Variants in CNTN5 observed in about 807,000 individuals in gnomAD.
CNTN5 encodes the protein contactin 5, also known as contactin-5.
In CNTN5, 77 loss-of-function variants were observed where a neutral mutation model predicts 129.1. The ratio of observed to expected loss-of-function variants is 0.60; its 90% CI spans 0.50 to 0.72. The LOEUF is 0.72. Among genes scored for constraint, CNTN5 ranks in the 30% least tolerant of loss-of-function variants. The pLI is 0.00. For missense variants in CNTN5, 1,478 were observed against 1,328.8 expected (o/e 1.11, Z -1.75); for synonymous variants, 509 against 465.6 (o/e 1.09, Z -1.20).
chr11:99,939,839 T>C (rs973839844), intron 7 of CNTN5, among the ~76,000 whole-genome samples: 5 of 152,266 alleles, frequency 3.3e-5, no homozygotes, highest in African/African-American at 1.2e-4. Context: ...TATGTTTGTG[T>C]TATGGAAGTA....
At chr11:99,963,431 CT>C (rs1951006182) in intron 8 of CNTN5, among the ~76,000 whole-genome samples, 1 of 152,022 alleles carries the variant, frequency 6.6e-6, no homozygotes, top group Non-Finnish European at 1.5e-5. Flanking sequence ...TTCCCCATTT[CT>C]TTTTTTGTCA....
At chr11:100,231,926 G>A (rs764129951) in intron 16 of CNTN5, among the ~76,000 whole-genome samples, 3 of 152,102 alleles carry the variant, frequency 2.0e-5, no homozygotes, top group Non-Finnish European at 4.4e-5. Flanking sequence ...AGGCAAGGTG[G>A]GCAGATCACT....
In CNTN5 at chr11:99,785,939, C is replaced by T. The variant is rs551637212; in HGVS notation, c.56-33605C>T. On this transcript the variant is annotated intron_variant, in intron 3 of 24. Transcript: ENST00000524871. ...AGCTGGAGGCATTCCCTTTGAAAGC[C>T]GGCACAAGACAAGGATGCTGTCTCT... Among the ~76,000 whole-genome samples the T allele has an allele frequency of 1.4e-4, 22 of 151,982 alleles. 1 individual carries two copies. The South Asian group carries it at 2.9e-3, about 20-fold the overall frequency.
intron 17 of CNTN5, among the ~76,000 whole-genome samples, chr11:100,258,891 C>G (rs1950136033): frequency 6.6e-6 from 1 of 152,084 alleles, no homozygotes; most frequent in South Asian, 2.1e-4. Context: ...CATCAACTGA[C>G]AGGCAAAATA....
At chr11:99,464,754 C>T (rs1050374378) in intron 2 of CNTN5, among the ~76,000 whole-genome samples, 5 of 151,984 alleles carry the variant, frequency 3.3e-5, no homozygotes, top group African/African-American at 1.2e-4. Context: ...CAGTGTTTTT[C>T]CCCCAAACAA....
chr11:99,114,311 C>T (rs1857937099), intron 1 of CNTN5, among the ~76,000 whole-genome samples: 1 of 152,062 alleles, frequency 6.6e-6, no homozygotes, highest in African/African-American at 2.4e-5. Context: ...GATGTAGTGT[C>T]ATAATAGTGG....
At chr11:99,209,989 G>T (rs914931549) in intron 1 of CNTN5, among the ~76,000 whole-genome samples, 1 of 152,098 alleles carries the variant, frequency 6.6e-6, no homozygotes, top group African/African-American at 2.4e-5. Flanking sequence ...ACCTATCAAA[G>T]TTCCATCTGT....
At chr11:99,108,736 A>G (rs1857639206) in intron 1 of CNTN5, among the ~76,000 whole-genome samples, 1 of 152,096 alleles carries the variant, frequency 6.6e-6, no homozygotes, top group South Asian at 2.1e-4. Context: ...TTTAACATTG[A>G]CAACTTTTAT....
At chr11:100,083,204 C>A (rs1944425803) in intron 13 of CNTN5, among the ~76,000 whole-genome samples, 1 of 151,658 alleles carries the variant, frequency 6.6e-6, no homozygotes. Context: ...GTAATCCCAG[C>A]TACTCGGGAG....
At position 100,138,050 on chromosome 11, in the gene CNTN5, G is replaced by A. The variant is rs80326601; in HGVS notation, c.1581-53076G>A. ...GAACTTAGTTGACAAAATAGATGAC[G>A]GAAAGGGAAATGAAGGACAGAGAGT... On this transcript the variant is annotated intron_variant, in intron 13 of 24. Coordinates refer to ENST00000524871, the MANE Select transcript of CNTN5 (RefSeq NM_014361.4). 5.4e-4 allele frequency among the ~76,000 whole-genome samples: 82 copies of A among 152,086 alleles called. No individual in the cohort carries two copies. In the East Asian group the frequency reaches 0.015, roughly 28 times the overall value.
intron 1 of CNTN5, among the ~76,000 whole-genome samples, chr11:99,135,417 A>C (rs1859167483): frequency 6.6e-6 from 1 of 152,202 alleles, no homozygotes; most frequent in African/African-American, 2.4e-5. Flanking sequence ...CATTCCAGTC[A>C]GAAGAAATAG....
intron 3 of CNTN5, among the ~76,000 whole-genome samples, chr11:99,649,045 A>C (rs1952064243): frequency 6.6e-6 from 1 of 151,712 alleles, no homozygotes; most frequent in Admixed American, 6.6e-5. Flanking sequence ...CAATAAGAGA[A>C]GATATTGAAA....
chr11:99,708,818 C>T (rs373500223), intron 3 of CNTN5, among the ~76,000 whole-genome samples: 1 of 151,684 alleles, frequency 6.6e-6, no homozygotes, highest in South Asian at 2.1e-4. Context: ...TTCTCATTTT[C>T]TTTATTCAGA....
At chr11:99,194,981 G>A (rs1379171530) in intron 1 of CNTN5, among the ~76,000 whole-genome samples, 1 of 152,110 alleles carries the variant, frequency 6.6e-6, no homozygotes, top group Non-Finnish European at 1.5e-5. Flanking sequence ...ACGAAGTCAA[G>A]TGACAGAATT....
rs184283406 is a variant in CNTN5, at chr11:99,054,468, G to A, written c.-210+33198G>A. On this transcript the variant is annotated intron_variant, in intron 1 of 24. Coordinates refer to ENST00000524871, the MANE Select transcript of CNTN5 (RefSeq NM_014361.4). Reference sequence around the variant, plus strand: ...CTATGTCTGCCCTCTTCTCTATATGGACTTACACTTGTAGGAAACGAAGAA... The same window carrying A: ...CTATGTCTGCCCTCTTCTCTATATGAACTTACACTTGTAGGAAACGAAGAA... Among the ~76,000 whole-genome samples the A allele has an allele frequency of 4.6e-3, 696 of 151,976 alleles. 7 individuals carry two copies. Among genetic ancestry groups the A allele is most frequent in the African/African-American group, 0.016 (672 of 41,496 alleles).
At chr11:99,775,014 T>C (rs531288255) in intron 3 of CNTN5, among the ~76,000 whole-genome samples, 29 of 152,190 alleles carry the variant, frequency 1.9e-4, no homozygotes, top group African/African-American at 6.7e-4. Flanking sequence ...CCTGAATAAA[T>C]TGACCATGCT....
At chr11:99,693,648 C>A (rs970851493) in intron 3 of CNTN5, among the ~76,000 whole-genome samples, 16 of 151,776 alleles carry the variant, frequency 1.1e-4, no homozygotes, top group African/African-American at 3.6e-4. Flanking sequence ...AACATAATAC[C>A]CAAATTGAGT....
chr11:100,248,323 C>A (rs1436491371), intron 16 of CNTN5, among the ~76,000 whole-genome samples: 1 of 151,998 alleles, frequency 6.6e-6, no homozygotes, highest in Non-Finnish European at 1.5e-5. Context: ...AAGTTTGGGA[C>A]TGCTTGAGGC....
Position 100,184,467 on chromosome 11 carries a change from T to C in CNTN5, c.1581-6659T>C, listed in dbSNP as rs117304419. Among the ~76,000 whole-genome samples, 106 of 152,282 alleles carry C rather than the reference T, an allele frequency of 7.0e-4. 2 individuals are homozygous for C. In the East Asian group the frequency reaches 0.02, roughly 29 times the overall value. Reference sequence around the variant, plus strand: ...AAATCTGATCTGCTGAAAGCGGATGTATGCCAAGGAATGCAAGTGGCTTCC... The same window carrying C: ...AAATCTGATCTGCTGAAAGCGGATGCATGCCAAGGAATGCAAGTGGCTTCC... On this transcript the variant is annotated intron_variant, in intron 13 of 24. Coordinates refer to ENST00000524871, the MANE Select transcript of CNTN5 (RefSeq NM_014361.4).
Sources: gnomAD v4.1 joint callset for allele counts (sites outside exome capture counted in the v4.1 genomes callset) on GRCh38, gnomAD v4.1.1 for gene constraint, MANE v1.5 for transcripts, NCBI Gene and HGNC (gene_info 2026-07-23, HGNC 2026-07-21) for gene names.